The following BRCA1 variants were observed in gnomAD, a reference collection of about 807,000 sequenced individuals.
The protein encoded by BRCA1 is BRCA1 DNA repair associated.
In BRCA1, 140 loss-of-function variants were observed where a neutral mutation model predicts 173.7. The observed-to-expected ratio is 0.81, with a 90% CI of 0.70 to 0.93. The LOEUF (loss-of-function observed/expected upper bound fraction) is 0.93. Among genes scored for constraint, BRCA1 ranks in the 40% least tolerant of loss-of-function variants. BRCA1 has a pLI of 0.00. For synonymous variants in BRCA1, 662 were observed against 756.0 expected (o/e 0.88, Z 2.04); for missense variants, 1,983 against 2,172.5 (o/e 0.91, Z 1.73).
intron 7 of BRCA1, among the ~76,000 whole-genome samples, chr17:43,097,566 A>C (rs1305248511): frequency 2.6e-5 from 4 of 152,198 alleles, no homozygotes; most frequent in Non-Finnish European, 5.9e-5. Context: ...CAGCCTGGCC[A>C]ACAAAGTGAG....
chr17:43,059,967 G>A (rs928275269), intron 18 of BRCA1, among the ~76,000 whole-genome samples: 5 of 152,158 alleles, frequency 3.3e-5, no homozygotes, highest in East Asian at 3.9e-4. Flanking sequence ...GTGCAGTGGC[G>A]CAATCTCAGC....
At chr17:43,142,239 T>A (rs1050942897) in intron 1 of BRCA1, among the ~76,000 whole-genome samples, 2 of 152,206 alleles carry the variant, frequency 1.3e-5, no homozygotes, top group African/African-American at 4.8e-5. Flanking sequence ...GTCAACTCCC[T>A]GCTTATGTCC....
intron 14 of BRCA1, among the ~76,000 whole-genome samples, chr17:43,072,137 C>T (rs2052477160): frequency 6.6e-6 from 1 of 151,982 alleles, no homozygotes; most frequent in South Asian, 2.1e-4. Flanking sequence ...CCTGTAATCC[C>T]AGCACTTTGG....
intron 3 of BRCA1, 122 bp downstream of exon 3, chr17:43,115,604 T>C (rs930065140): frequency 4.8e-5 from 45 of 940,464 alleles, no homozygotes; most frequent in Non-Finnish European, 6.6e-5. Flanking sequence ...TGAAATGGAG[T>C]TGGATTTTTC....
intron 11 of BRCA1, among the ~76,000 whole-genome samples, chr17:43,087,989 C>G (rs1436948875): frequency 2.0e-5 from 3 of 151,988 alleles, no homozygotes; most frequent in African/African-American, 4.8e-5. Flanking sequence ...GGGGCTCAGG[C>G]AATCTTCCTG....
intron 11 of BRCA1, among the ~76,000 whole-genome samples, chr17:43,088,887 G>C (rs913805194): frequency 6.6e-6 from 1 of 152,094 alleles, no homozygotes; most frequent in South Asian, 2.1e-4. Context: ...CCCTGTGCTG[G>C]GAATACAAAG....
intron 19 of BRCA1, among the ~76,000 whole-genome samples, chr17:43,053,707 G>A (rs2051344821): frequency 6.6e-6 from 1 of 151,466 alleles, no homozygotes. Context: ...CGGGCGCGGT[G>A]GCCTGTAATC....
intron 1 of BRCA1, chr17:43,169,997 C>T (rs2056314580): frequency 4.3e-6 from 2 of 465,750 alleles, no homozygotes. Context: ...GGGCATTGAT[C>T]TTATCCTCCG....
At chr17:43,061,239 A>G (rs1315697150) in intron 18 of BRCA1, among the ~76,000 whole-genome samples, 5 of 152,132 alleles carry the variant, frequency 3.3e-5, no homozygotes, top group Non-Finnish European at 5.9e-5. Flanking sequence ...AAGGACAATT[A>G]TTTCTTGTTA....
intron 6 of BRCA1, among the ~76,000 whole-genome samples, chr17:43,101,620 C>T (rs936863453): frequency 1.3e-5 from 2 of 151,910 alleles, no homozygotes; most frequent in East Asian, 1.9e-4. Context: ...CTTGTGCCTC[C>T]GCCTCCCGAG....
intron 16 of BRCA1, among the ~76,000 whole-genome samples, chr17:43,066,860 C>T (rs2052100827): frequency 6.7e-6 from 1 of 148,700 alleles, no homozygotes. Context: ...CTCTTGTCCC[C>T]AGGCTGGAGT....
chr17:43,048,763 C>T (rs1317033072), intron 21 of BRCA1, among the ~76,000 whole-genome samples: 1 of 151,646 alleles, frequency 6.6e-6, no homozygotes, highest in African/African-American at 2.4e-5. Context: ...AGTGATCCAC[C>T]TGCCTCGGCC....
intron 2 of BRCA1, among the ~76,000 whole-genome samples, chr17:43,122,533 T>A (rs1469442823): frequency 3.3e-5 from 5 of 152,116 alleles, no homozygotes; most frequent in Non-Finnish European, 7.4e-5. Context: ...GCAGCAGGAA[T>A]AGAAGATAAA....
intron 2 of BRCA1, among the ~76,000 whole-genome samples, chr17:43,121,840 G>A (rs2055594088): frequency 6.6e-6 from 1 of 151,954 alleles, no homozygotes; most frequent in Non-Finnish European, 1.5e-5. Context: ...TTAATTGATG[G>A]TTTAATTTGC....
At chr17:43,050,875 G>A (rs900104283) in intron 20 of BRCA1, among the ~76,000 whole-genome samples, 188 bp downstream of exon 20, 2 of 152,176 alleles carry the variant, frequency 1.3e-5, no homozygotes, top group Non-Finnish European at 2.9e-5. Flanking sequence ...GGGGGACAAG[G>A]TATAGTTTTT....
At chr17:43,118,926 G>A (rs1229429296) in intron 2 of BRCA1, among the ~76,000 whole-genome samples, 1 of 151,982 alleles carries the variant, frequency 6.6e-6, no homozygotes, top group Non-Finnish European at 1.5e-5. Context: ...GCCACACCCG[G>A]CTAATTTTTT....
intron 12 of BRCA1, among the ~76,000 whole-genome samples, chr17:43,077,770 G>GAAAAA (rs2154085248): frequency 6.6e-6 from 1 of 151,250 alleles, no homozygotes; most frequent in African/African-American, 2.4e-5. Flanking sequence ...GTTTGCTCTT[G>GAAAAA]TTGCCCAGGC....
chr17:43,126,634 G>T (rs1479259329), upstream of BRCA1, among the ~76,000 whole-genome samples: 1 of 152,228 alleles, frequency 6.6e-6, no homozygotes, highest in Non-Finnish European at 1.5e-5. Context: ...TGGGCGAAAA[G>T]CGCCGGAGAG....
chr17:43,076,549 CAGCAGAA>C lies in BRCA1; in HGVS notation c.4416_4422del (p.Ser1473ThrfsTer30). ...CTATCTGCAGACACCTCAAACTTGT[CAGCAGAA>C]AGGCCTTCTGGATTCTGGCTTATAG... On this transcript the variant is annotated frameshift_variant, in exon 13 of 23. Transcript: ENST00000357654. LOFTEE classifies it high-confidence loss of function. 1 of 1,613,718 alleles carries C rather than the reference CAGCAGAA, an allele frequency of 6.2e-7. No homozygotes were observed. The highest frequency in any genetic ancestry group is 1.1e-5 in the South Asian group (1 of 91,068).
Sources: allele counts gnomAD v4.1 joint callset (sites outside exome capture counted in the v4.1 genomes callset), GRCh38; gene constraint gnomAD v4.1.1; transcripts MANE v1.5; gene names NCBI Gene and HGNC (gene_info 2026-07-23, HGNC 2026-07-21).